Variants in RBFOX1 observed in about 807,000 individuals in gnomAD.
The protein encoded by RBFOX1 is RNA binding protein fox-1 homolog 1.
RBFOX1 carries 8 observed loss-of-function variants against 57.7 expected under a neutral mutation model. That is an observed-to-expected ratio of 0.14 (90% CI 0.08 to 0.25). The LOEUF (loss-of-function observed/expected upper bound fraction) is 0.25. Among genes scored for constraint, RBFOX1 ranks in the 10% least tolerant of loss-of-function variants. RBFOX1 has a pLI of 1.00. For synonymous variants in RBFOX1, 326 were observed against 222.4 expected (o/e 1.47, Z -4.15); for missense variants, 611 against 548.5 (o/e 1.11, Z -1.14).
chr16:6,927,000 C>G (rs573952403), intron 3 of RBFOX1, among the ~76,000 whole-genome samples: 1 of 152,116 alleles, frequency 6.6e-6, no homozygotes, highest in Non-Finnish European at 1.5e-5. Flanking sequence ...CTTTGTCAAG[C>G]AATTGCTACT....
chr16:5,366,135 C>G (rs1202691858), intron 1 of RBFOX1: 2 of 434,474 alleles, frequency 4.6e-6, no homozygotes, highest in African/African-American at 4.1e-5. Context: ...TAATGGACAG[C>G]ACTTTGTACC....
In RBFOX1 at chr16:5,486,195, T is replaced by C. The variant is rs559225892; in HGVS notation, c.258+18941T>C. ...TGCCTCCCCTAGGAAGTCCTGGTGA[T>C]GGAGACTTGACTGCAGTATTGTCAA... On this transcript the variant is annotated intron_variant, in intron 2 of 2. Coordinates refer to the RBFOX1 transcript ENST00000585867. Among the ~76,000 whole-genome samples the C allele has an allele frequency of 1.6e-4, 24 of 152,306 alleles. 1 individual carries two copies. The East Asian group carries it at 4.4e-3, about 28-fold the overall frequency.
intron 1 of RBFOX1, among the ~76,000 whole-genome samples, chr16:5,305,111 C>T (rs1050722499): frequency 2.6e-5 from 4 of 152,036 alleles, no homozygotes; most frequent in African/African-American, 7.2e-5. Flanking sequence ...GAAGGTGGTG[C>T]GTGTTGAGAA....
intron 4 of RBFOX1, among the ~76,000 whole-genome samples, chr16:7,091,249 A>G (rs1478707): frequency 0.27 from 39,528 of 149,042 alleles, 5,272 homozygotes; most frequent in East Asian, 0.37. Flanking sequence ...AAATACTGCA[A>G]TTTTTAATTT....
rs1397018069 is a variant in RBFOX1 at position 5,424,990 on chromosome 16, T to TTC, written c.220-42225_220-42224insCT. On this transcript the variant is annotated intron_variant, in intron 1 of 2. Coordinates refer to the RBFOX1 transcript ENST00000585867. ...TCTTTCTTTCTTTCTTTTCTTTTCTTTTCTTTTCTTTTCTTTTCTTTTCTT... is the reference window on the plus strand; with the variant it reads ...TCTTTCTTTCTTTCTTTTCTTTTCTTTCTTCTTTTCTTTTCTTTTCTTTTCTT... 4.1e-4 allele frequency among the ~76,000 whole-genome samples: 16 copies of TTC among 38,626 alleles called. 1 individual carries two copies. Among genetic ancestry groups the TTC allele is most frequent in the South Asian group, 8.6e-4 (1 of 1,168 alleles). 25.3% of individuals were successfully genotyped at this position (38,626 alleles called of 152,430 possible).
Position 5,657,732 on chromosome 16 carries a change from C to CTTTT in RBFOX1, c.318+58772_318+58775dup, listed in dbSNP as rs71386513. Among the ~76,000 whole-genome samples the CTTTT allele has an allele frequency of 7.8e-4, 77 of 98,338 alleles. 30 individuals are homozygous for CTTTT. Among genetic ancestry groups the CTTTT allele is most frequent in the Admixed American group, 1.2e-3 (10 of 8,230 alleles). 64.5% of individuals were successfully genotyped at this position (98,338 alleles called of 152,430 possible). On this transcript the variant is annotated intron_variant, in intron 3 of 19. Coordinates refer to the RBFOX1 transcript ENST00000641259. Reference sequence around the variant, plus strand: ...TTTCTCTCTTTCTTTTGTTTCTTTTCTTTTCTTTTTTTTTTTTTGAGACAG... The same window carrying CTTTT: ...TTTCTCTCTTTCTTTTGTTTCTTTTCTTTTTTTTCTTTTTTTTTTTTTGAGACAG...
At chr16:6,278,921 G>T (rs17219976) in intron 1 of RBFOX1, among the ~76,000 whole-genome samples, 4 of 152,002 alleles carry the variant, frequency 2.6e-5, no homozygotes, top group African/African-American at 9.6e-5. Flanking sequence ...TCACCAAGAA[G>T]GTTGAGATAT....
chr16:7,490,860 T>G (rs1471584581), intron 4 of RBFOX1, among the ~76,000 whole-genome samples: 1 of 152,198 alleles, frequency 6.6e-6, no homozygotes. Flanking sequence ...ACTCTCTGAT[T>G]CTCATTGTTT....
At chr16:6,055,322 G>A (rs2095601260) in intron 1 of RBFOX1, among the ~76,000 whole-genome samples, 1 of 152,086 alleles carries the variant, frequency 6.6e-6, no homozygotes, top group African/African-American at 2.4e-5. Flanking sequence ...GCTGGGCGCG[G>A]TGGCTCACAC....
intron 1 of RBFOX1, among the ~76,000 whole-genome samples, chr16:5,322,087 C>T (rs1042323164): frequency 2.6e-5 from 4 of 152,072 alleles, no homozygotes; most frequent in Non-Finnish European, 4.4e-5. Flanking sequence ...AAAATATAAC[C>T]GGGACCTGAA....
chr16:5,521,747 A>T (rs17138000), intron 2 of RBFOX1, among the ~76,000 whole-genome samples: 3,536 of 152,282 alleles, frequency 0.023, 137 homozygotes, highest in African/African-American at 0.08. Flanking sequence ...TCCTGTTCAC[A>T]CAATATACCC....
intron 3 of RBFOX1, among the ~76,000 whole-genome samples, chr16:6,912,115 C>A (rs1308795095): frequency 6.6e-6 from 1 of 152,150 alleles, no homozygotes; most frequent in Non-Finnish European, 1.5e-5. Flanking sequence ...TTTATACTTA[C>A]TAGTATTTCA....
chr16:7,107,385 C>G (rs2063800043), intron 4 of RBFOX1, among the ~76,000 whole-genome samples: 1 of 152,128 alleles, frequency 6.6e-6, no homozygotes, highest in South Asian at 2.1e-4. Context: ...GGGGGCCACT[C>G]TAGGGTGGAG....
chr16:7,677,414 A>G (rs2073668009), intron 14 of RBFOX1, among the ~76,000 whole-genome samples: 1 of 152,120 alleles, frequency 6.6e-6, no homozygotes, highest in Admixed American at 6.6e-5. Context: ...TACAAACATA[A>G]GCCAGCTTTT....
At chr16:7,026,625 C>G (rs1263478119) in intron 3 of RBFOX1, among the ~76,000 whole-genome samples, 4 of 152,088 alleles carry the variant, frequency 2.6e-5, no homozygotes, top group Non-Finnish European at 5.9e-5. Flanking sequence ...GGAGGAAAGG[C>G]CTTGGGTCCC....
rs541280380 is a variant in RBFOX1, at chr16:7,042,967, C to G, written c.-15-9090C>G. ...ATAAAGTGATTAAAACAATTACTTT[C>G]CTAGCAGCATAGTTAAAATTGAGCA... is the stretch of plus-strand genomic sequence containing the variant. On this transcript the variant is annotated intron_variant, in intron 3 of 15. Transcript: ENST00000550418. Among the ~76,000 whole-genome samples, 15 of 152,258 alleles carry G rather than the reference C, an allele frequency of 9.9e-5. No individual in the cohort carries two copies. The East Asian group carries it at 2.5e-3, about 25-fold the overall frequency.
At chr16:7,103,666 A>G (rs183478363) in intron 4 of RBFOX1, among the ~76,000 whole-genome samples, 45 of 152,336 alleles carry the variant, frequency 3.0e-4, no homozygotes, top group Non-Finnish European at 1.3e-4. Flanking sequence ...TGTCTTGTTT[A>G]CATAATAAAA....
chr16:6,605,082 C>G (rs1260916425), intron 2 of RBFOX1, among the ~76,000 whole-genome samples: 1 of 151,816 alleles, frequency 6.6e-6, no homozygotes, highest in Non-Finnish European at 1.5e-5. Flanking sequence ...TATATATACA[C>G]ACACAAATTA....
At chr16:6,169,730 C>T (rs1364836118) in intron 1 of RBFOX1, among the ~76,000 whole-genome samples, 1 of 152,184 alleles carries the variant, frequency 6.6e-6, no homozygotes, top group South Asian at 2.1e-4. Flanking sequence ...GGCCAAGACT[C>T]AGTTGTTGTT....
Sources: allele counts gnomAD v4.1 joint callset (sites outside exome capture counted in the v4.1 genomes callset), GRCh38; gene constraint gnomAD v4.1.1; transcripts MANE v1.5; gene names NCBI Gene and HGNC (gene_info 2026-07-23, HGNC 2026-07-21).